The following CDH12 variants were observed in gnomAD, a reference collection of about 807,000 sequenced individuals.
CDH12 encodes the protein cadherin-12.
A neutral mutation model predicts 74.1 loss-of-function variants in CDH12; 41 were observed. That is an observed-to-expected ratio of 0.55 (90% CI 0.43 to 0.72). CDH12 has a LOEUF of 0.72. Ranked by LOEUF, CDH12 falls within the 30% of genes least tolerant of loss-of-function variation. The pLI is 0.00. For synonymous variants in CDH12, 399 were observed against 355.0 expected, an observed-to-expected ratio of 1.12 and a Z score of -1.39; for missense variants, 945 against 977.2, an observed-to-expected ratio of 0.97 and a Z score of 0.44.
At chr5:22,071,687 T>C (rs996508434) in intron 5 of CDH12, among the ~76,000 whole-genome samples, 1 of 152,110 alleles carries the variant, frequency 6.6e-6, no homozygotes, top group Admixed American at 6.6e-5. Flanking sequence ...CCATCTGTAT[T>C]CCAATTACTC....
intron 1 of CDH12, among the ~76,000 whole-genome samples, chr5:22,538,404 C>T (rs1737958229): frequency 6.6e-6 from 1 of 152,144 alleles, no homozygotes; most frequent in African/African-American, 2.4e-5. Context: ...CCTATAAGGC[C>T]AGATTTCTAA....
At chr5:22,381,200 A>G (rs1741746203) in intron 3 of CDH12, among the ~76,000 whole-genome samples, 1 of 152,010 alleles carries the variant, frequency 6.6e-6, no homozygotes, top group Non-Finnish European at 1.5e-5. Flanking sequence ...AATTGGAATA[A>G]AAGTGTACTT....
At chr5:22,512,167 C>T (rs199362) in intron 1 of CDH12, among the ~76,000 whole-genome samples, 11,361 of 151,946 alleles carry the variant, frequency 0.075, 552 homozygotes, top group East Asian at 0.16. Flanking sequence ...GCCAGAGTCA[C>T]GAACTTTAAT....
chr5:22,248,997 C>T (rs1753049308), intron 3 of CDH12, among the ~76,000 whole-genome samples: 1 of 151,958 alleles, frequency 6.6e-6, no homozygotes, highest in Admixed American at 6.6e-5. Context: ...CTACCTTTTA[C>T]CGTTCTGTAA....
At chr5:22,823,649 A>C (rs1271385961) in intron 1 of CDH12, among the ~76,000 whole-genome samples, 1 of 152,056 alleles carries the variant, frequency 6.6e-6, no homozygotes, top group Non-Finnish European at 1.5e-5. Context: ...GTAATCCCCA[A>C]GTGTTGAGAA....
At chr5:22,550,897 T>C (rs550795417) in intron 1 of CDH12, among the ~76,000 whole-genome samples, 1 of 152,312 alleles carries the variant, frequency 6.6e-6, no homozygotes, top group South Asian at 2.1e-4. Flanking sequence ...CAGGTGAGGC[T>C]TTTTCTTCTG....
At chr5:22,146,215 T>C in intron 4 of CDH12, among the ~76,000 whole-genome samples, 1 of 152,214 alleles carries the variant, frequency 6.6e-6, no homozygotes, top group Non-Finnish European at 1.5e-5. Context: ...TACAGCATAT[T>C]TAATTTTAAT....
intron 5 of CDH12, among the ~76,000 whole-genome samples, chr5:22,060,854 G>T (rs1314678085): frequency 6.6e-6 from 1 of 152,178 alleles, no homozygotes; most frequent in African/African-American, 2.4e-5. Flanking sequence ...CAAAGGAGAA[G>T]AGTTGCCAGA....
chr5:22,338,916 G>A (rs1207682657), intron 3 of CDH12, among the ~76,000 whole-genome samples: 2 of 152,126 alleles, frequency 1.3e-5, no homozygotes, highest in African/African-American at 4.8e-5. Context: ...AGCTAAAGGT[G>A]ACTCCCAGCT....
At position 22,303,519 on chromosome 5, in the gene CDH12, A is replaced by C. The variant is rs116429801; in HGVS notation, c.-332-90876T>G. Among the ~76,000 whole-genome samples the C allele has an allele frequency of 8.1e-3, 1,236 of 152,256 alleles. 18 individuals are homozygous for C. The highest frequency in any genetic ancestry group is 0.028 in the African/African-American group (1,177 of 41,556). ...GAGGGCTATAGAATTAATGGAAAAA[A>C]AGTGATTTGAAATGTATCATAAAGA... On this transcript the variant is annotated intron_variant, in intron 3 of 14. Coordinates refer to ENST00000382254, the MANE Select transcript of CDH12 (RefSeq NM_004061.5).
chr5:21,946,959 T>C (rs993699359), intron 6 of CDH12, among the ~76,000 whole-genome samples: 5 of 152,198 alleles, frequency 3.3e-5, no homozygotes, highest in African/African-American at 1.2e-4. Flanking sequence ...TGGAGGCAGT[T>C]TCCCTCATGC....
chr5:21,968,218 A>G (rs1457190348), intron 6 of CDH12, among the ~76,000 whole-genome samples: 1 of 152,174 alleles, frequency 6.6e-6, no homozygotes, highest in African/African-American at 2.4e-5. Context: ...TCTTATGAGG[A>G]CCCTTTCCAA....
chr5:22,651,027 T>C (rs987500241), intron 1 of CDH12, among the ~76,000 whole-genome samples: 2 of 152,114 alleles, frequency 1.3e-5, no homozygotes, highest in African/African-American at 4.8e-5. Flanking sequence ...AAAGTCTTTC[T>C]TGAGCAGAGA....
chr5:22,780,620 G>T (rs1221368228), intron 1 of CDH12, among the ~76,000 whole-genome samples: 2 of 152,138 alleles, frequency 1.3e-5, no homozygotes, highest in Middle Eastern at 3.4e-3. Context: ...CTGCCCCCAT[G>T]ATTCAATTAC....
intron 4 of CDH12, chr5:22,143,040 C>G (rs1045886956): frequency 5.5e-6 from 1 of 182,604 alleles, no homozygotes; most frequent in African/African-American, 2.4e-5. Context: ...AAGAAAGTAG[C>G]GTTAAGATAG....
chr5:22,640,638 T>A (rs1580842754), intron 1 of CDH12, among the ~76,000 whole-genome samples: 2 of 152,302 alleles, frequency 1.3e-5, no homozygotes, highest in South Asian at 2.1e-4. Flanking sequence ...TTTCTTCATA[T>A]AGCATTAATT....
intron 1 of CDH12, among the ~76,000 whole-genome samples, chr5:22,515,862 C>T (rs923867818): frequency 1.1e-4 from 17 of 151,794 alleles, no homozygotes; most frequent in Admixed American, 7.2e-4. Flanking sequence ...TAGAAAAGTA[C>T]TAAAAAATTC....
At chr5:22,655,015 A>G (rs901711780) in intron 1 of CDH12, among the ~76,000 whole-genome samples, 1 of 152,306 alleles carries the variant, frequency 6.6e-6, no homozygotes, top group South Asian at 2.1e-4. Context: ...CGTCCTTAAA[A>G]GCTCTAAAAA....
intron 6 of CDH12, among the ~76,000 whole-genome samples, chr5:21,953,649 T>C (rs1287119718): frequency 6.6e-6 from 1 of 152,146 alleles, no homozygotes; most frequent in South Asian, 2.1e-4. Context: ...TTCTTTAAAG[T>C]AAAAGTACAA....
Sources: gnomAD v4.1 joint callset for allele counts (sites outside exome capture counted in the v4.1 genomes callset) on GRCh38, gnomAD v4.1.1 for gene constraint, MANE v1.5 for transcripts, NCBI Gene and HGNC (gene_info 2026-07-23, HGNC 2026-07-21) for gene names.